TFCP2L1: variants seen among roughly 807,000 people sequenced by gnomAD.
TFCP2L1 encodes transcription factor CP2-like protein 1.
In TFCP2L1, 12 loss-of-function variants were observed where a neutral mutation model predicts 72.2. The observed-to-expected ratio is 0.17, with a 90% CI of 0.11 to 0.27. TFCP2L1 has a LOEUF of 0.27. TFCP2L1 is among the 10% of genes least tolerant of loss of function. The pLI is 1.00. For synonymous variants in TFCP2L1, 260 were observed against 251.0 expected, an observed-to-expected ratio of 1.04 and a Z score of -0.34; for missense variants, 488 against 624.6, an observed-to-expected ratio of 0.78 and a Z score of 2.33.
At chr2:121,258,922 T>C (rs1686779618) in intron 2 of TFCP2L1, among the ~76,000 whole-genome samples, 1 of 152,226 alleles carries the variant, frequency 6.6e-6, no homozygotes, top group Admixed American at 6.5e-5. Flanking sequence ...GTCCTTGTTC[T>C]TAGGAAATAC....
At chr2:121,250,700 G>GCCCA (rs1686591319) in intron 2 of TFCP2L1, among the ~76,000 whole-genome samples, 1 of 150,636 alleles carries the variant, frequency 6.6e-6, no homozygotes, top group Admixed American at 6.6e-5. Flanking sequence ...TCCGCCTTGT[G>GCCCA]GGTTCAAGTG....
rs1273776204 is a variant in TFCP2L1, at chr2:121,225,957, A to G, written c.1342-344T>C. On this transcript the variant is annotated intron_variant, in intron 13 of 14. Transcript: ENST00000263707. Reference sequence around the variant, plus strand: ...CCACGGTGTCTACACACACGGGAACACGGTAAACACCACTGCCACGGTGCC... The same window carrying G: ...CCACGGTGTCTACACACACGGGAACGCGGTAAACACCACTGCCACGGTGCC... Among the ~76,000 whole-genome samples, 11 of 140,890 alleles carry G rather than the reference A, an allele frequency of 7.8e-5. No individual in the cohort carries two copies. The East Asian group carries it at 2.1e-3, about 27-fold the overall frequency. The allele number at this position is 140,890 out of a possible 152,430, so 92.4% of individuals were successfully genotyped here.
In TFCP2L1 at chr2:121,235,307, A is replaced by G. The variant is rs763272964; in HGVS notation, c.1008T>C (p.Ala336=). Reference sequence around the variant, plus strand: ...CATCTCGGGACATCTTCAGCAAGTCAGCACCTAGGCAGGAAAAAAACGGGG... The same window carrying G: ...CATCTCGGGACATCTTCAGCAAGTCGGCACCTAGGCAGGAAAAAAACGGGG... ...FCRLFASFSG[A]DLLKMSRDDL... is the part of the protein sequence containing the mutation. Residue 336 remains alanine, a synonymous_variant, in exon 11 of 15, where the codon GCT becomes GCC. Transcript: ENST00000263707. 104 of 1,613,724 alleles carry G rather than the reference A, an allele frequency of 6.4e-5. No homozygotes were observed. The highest frequency in any genetic ancestry group is 8.1e-5 in the Non-Finnish European group (96 of 1,179,922).
chr2:121,234,262 G>A, intron 11 of TFCP2L1, 68 bp from the exon 12 acceptor site: 1 of 1,430,582 alleles, frequency 7.0e-7, no homozygotes, highest in Non-Finnish European at 9.8e-7. Context: ...GAATATTCCA[G>A]GATGGAAACA....
intron 14 of TFCP2L1, among the ~76,000 whole-genome samples, chr2:121,225,238 C>T (rs1029683860): frequency 6.6e-6 from 1 of 152,252 alleles, no homozygotes; most frequent in East Asian, 1.9e-4. Context: ...TCCCCCATCC[C>T]GACCCACGCT....
At chr2:121,241,255 AG>A (rs1686361375) in intron 7 of TFCP2L1, among the ~76,000 whole-genome samples, 1 of 152,234 alleles carries the variant, frequency 6.6e-6, no homozygotes, top group Admixed American at 6.5e-5. Context: ...GCACTTTGGG[AG>A]GCCGAGGTGG....
intron 2 of TFCP2L1, among the ~76,000 whole-genome samples, chr2:121,270,523 C>T (rs752033203): frequency 1.3e-5 from 2 of 152,152 alleles, no homozygotes; most frequent in Non-Finnish European, 2.9e-5. Flanking sequence ...CATAGATGTT[C>T]ACGGATTACT....
At chr2:121,242,580 CAG>C in intron 6 of TFCP2L1, 111 bp from the exon 7 acceptor site, 1 of 991,192 alleles carries the variant, frequency 1.0e-6, no homozygotes, top group South Asian at 1.3e-5. Context: ...GGGAGGAACT[CAG>C]GGGCAGGACA....
chr2:121,273,098 T>C (rs948692168), intron 2 of TFCP2L1, among the ~76,000 whole-genome samples: 2 of 152,152 alleles, frequency 1.3e-5, no homozygotes, highest in East Asian at 1.9e-4. Flanking sequence ...TTCCAACCAA[T>C]AGGAAATTTT....
chr2:121,271,213 AC>A (rs1210159162), intron 2 of TFCP2L1, among the ~76,000 whole-genome samples: 102 of 149,688 alleles, frequency 6.8e-4, no homozygotes, highest in African/African-American at 1.7e-3. Context: ...AAAAAAAAAA[AC>A]AAAAAAGCAA....
chr2:121,236,710 C>T lies in TFCP2L1; in HGVS notation c.1003+913G>A, dbSNP rs185091001. Among the ~76,000 whole-genome samples, 1,022 of 152,144 alleles carry T rather than the reference C, an allele frequency of 6.7e-3. 15 individuals carry two copies. Among genetic ancestry groups the T allele is most frequent in the African/African-American group, 0.024 (975 of 41,474 alleles). ...TGGTGCCTCTCTGACCTCTCCTCCC[C>T]GGGCCACTCCACTCCACTCCACCTG... is the stretch of plus-strand genomic sequence containing the variant. On this transcript the variant is annotated intron_variant, in intron 10 of 14. Transcript: ENST00000263707.
chr2:121,224,982 CAAAAA>C (rs34800606), intron 14 of TFCP2L1, among the ~76,000 whole-genome samples: 2 of 110,890 alleles, frequency 1.8e-5, no homozygotes, highest in Admixed American at 9.7e-5. Context: ...AAGACTCCAT[CAAAAA>C]AAAAAAAAAA....
chr2:121,275,378 G>T (rs191797914), intron 2 of TFCP2L1, among the ~76,000 whole-genome samples: 1 of 104,310 alleles, frequency 9.6e-6, no homozygotes, highest in African/African-American at 3.9e-5. Context: ...TAGCCTGGGC[G>T]ACAGCACGAG....
intron 1 of TFCP2L1, among the ~76,000 whole-genome samples, chr2:121,283,372 G>A (rs115719384): frequency 0.017 from 2,575 of 152,224 alleles, 81 homozygotes; most frequent in African/African-American, 0.059. Flanking sequence ...CAGGGGACCA[G>A]GGGCATATGC....
intron 1 of TFCP2L1, among the ~76,000 whole-genome samples, chr2:121,282,379 G>C (rs35049921): frequency 0.08 from 11,411 of 142,750 alleles, 520 homozygotes; most frequent in African/African-American, 0.14. Flanking sequence ...GGAGGAACTT[G>C]TTTCTGGACG....
chr2:121,284,125 G>A lies in TFCP2L1; in HGVS notation c.62+923C>T, dbSNP rs539401810. Among the ~76,000 whole-genome samples the A allele has an allele frequency of 1.2e-4, 19 of 152,328 alleles. No individual in the cohort carries two copies. The South Asian group carries it at 3.7e-3, about 30-fold the overall frequency. On this transcript the variant is annotated intron_variant, in intron 1 of 14. Coordinates refer to ENST00000263707, the MANE Select transcript of TFCP2L1 (RefSeq NM_014553.3). The stretch of plus-strand genomic sequence containing the variant: ...TTGGGGCCAAAACTAGCACTTAAAG[G>A]TAGCTCTAGTATGGGGGCTGTCAAT...
intron 2 of TFCP2L1, among the ~76,000 whole-genome samples, chr2:121,280,395 C>T (rs568676292): frequency 7.9e-5 from 12 of 152,272 alleles, no homozygotes; most frequent in Admixed American, 5.2e-4. Flanking sequence ...CCAGGTGCAG[C>T]TCCAGGACCT....
chr2:121,234,469 T>C (rs902246399), intron 11 of TFCP2L1, among the ~76,000 whole-genome samples: 22 of 152,224 alleles, frequency 1.4e-4, no homozygotes, highest in African/African-American at 5.3e-4. Flanking sequence ...GTATCAGGTA[T>C]TGTTCTCAGA....
intron 11 of TFCP2L1, among the ~76,000 whole-genome samples, chr2:121,234,821 C>G (rs1686210974): frequency 6.6e-6 from 1 of 152,256 alleles, no homozygotes; most frequent in African/African-American, 2.4e-5. Flanking sequence ...GGAGTCTCCC[C>G]TGAAACTGCT....
Sources: gnomAD v4.1 joint callset for allele counts (sites outside exome capture counted in the v4.1 genomes callset) on GRCh38, gnomAD v4.1.1 for gene constraint, MANE v1.5 for transcripts, NCBI Gene and HGNC (gene_info 2026-07-23, HGNC 2026-07-21) for gene names.